Variants in KIF1A observed in about 807,000 individuals in gnomAD.
KIF1A encodes kinesin-like protein KIF1A.
A neutral mutation model predicts 227.3 loss-of-function variants in KIF1A; 46 were observed. That is an observed-to-expected ratio of 0.20 (90% CI 0.16 to 0.26). The LOEUF (loss-of-function observed/expected upper bound fraction) is 0.26. KIF1A is among the 10% of genes least tolerant of loss of function. KIF1A has a pLI of 1.00. For missense variants in KIF1A, 1,683 were observed against 2,485.9 expected, an observed-to-expected ratio of 0.68 and a Z score of 6.87; for synonymous variants, 1,022 against 1,012.8, an observed-to-expected ratio of 1.01 and a Z score of -0.17.
At chr2:240,755,152 G>C (rs867696924) in intron 27 of KIF1A, among the ~76,000 whole-genome samples, 1 of 152,220 alleles carries the variant, frequency 6.6e-6, no homozygotes, top group Non-Finnish European at 1.5e-5. Context: ...GCCTCCCCAG[G>C]TCACCTGGTG....
intron 5 of KIF1A, 28 bp downstream of exon 5, chr2:240,787,223 G>A: frequency 6.3e-7 from 1 of 1,588,636 alleles, no homozygotes; most frequent in Non-Finnish European, 8.6e-7. Context: ...CCCTGCCCCA[G>A]CGGCCAACGG....
chr2:240,764,033 C>T (rs2050846077), intron 20 of KIF1A, among the ~76,000 whole-genome samples: 1 of 152,220 alleles, frequency 6.6e-6, no homozygotes, highest in African/African-American at 2.4e-5. Context: ...CACTCACTGT[C>T]TTGGGACAGT....
At position 240,764,978 on chromosome 2, in the gene KIF1A, C is replaced by T. The variant is rs138716221; in HGVS notation, c.1768+732G>A. 5.4e-3 allele frequency among the ~76,000 whole-genome samples: 818 copies of T among 152,290 alleles called. 3 individuals are homozygous for T. Among genetic ancestry groups the T allele is most frequent in the Non-Finnish European group, 9.0e-3 (614 of 68,018 alleles). On this transcript the variant is annotated intron_variant, in intron 20 of 48. Transcript: ENST00000498729. ...CCACCTGCCCATGGATTTCAAACTT[C>T]GCTGACCAGCCCCACCATCTGATAA...
At chr2:240,772,117 G>C (rs998307102) in intron 14 of KIF1A, among the ~76,000 whole-genome samples, 1 of 152,236 alleles carries the variant, frequency 6.6e-6, no homozygotes, top group Non-Finnish European at 1.5e-5. Flanking sequence ...CTGGGCGTGG[G>C]GGGTCAGGTC....
At chr2:240,814,164 TAGA>T (rs1218941828) in intron 1 of KIF1A, among the ~76,000 whole-genome samples, 5 of 151,706 alleles carry the variant, frequency 3.3e-5, no homozygotes, top group Non-Finnish European at 2.9e-5. Flanking sequence ...TACGAACAAA[TAGA>T]AGTAGAGACC....
chr2:240,779,516 T>C (rs192645111), intron 10 of KIF1A, among the ~76,000 whole-genome samples: 13 of 145,296 alleles, frequency 8.9e-5, no homozygotes, highest in Non-Finnish European at 1.5e-5. Context: ...CCACACTCAG[T>C]TCCTCACAGT....
In KIF1A at chr2:240,782,584, G is replaced by T. The variant is rs1290737564; in HGVS notation, c.882+6C>A. The T allele has an allele frequency of 7.1e-6, 11 of 1,552,342 alleles. No individual in the cohort carries two copies. The highest frequency in any genetic ancestry group is 5.9e-5 in the Admixed American group (3 of 51,240). ...ACCTGCCCCGGGGCTGAAGGAAGCC[G>T]CTTACCTTGTTGGGTCCGGAGTCCT... On this transcript the variant is annotated splice_donor_region_variant and intron_variant, in intron 10 of 48. Coordinates refer to ENST00000498729, the MANE Select transcript of KIF1A (RefSeq NM_001244008.2).
Position 240,758,401 on chromosome 2 carries a change from G to A in KIF1A, c.2541C>T (p.Asp847=). 1.2e-6 allele frequency: 2 copies of A among 1,612,992 alleles called. No homozygotes were observed. Among genetic ancestry groups the A allele is most frequent in the Non-Finnish European group, 1.7e-6 (2 of 1,179,398 alleles). ...ACCAGGGGAAGCGGTCATAGAAGGG[G>A]TCTCCGCCGGTCACCACGTTGTCAC... is the stretch of plus-strand genomic sequence containing the variant. ...EDCDNVVTGG[D]PFYDRFPWFR... Residue 847 remains aspartate (D), a synonymous_variant, in exon 26 of 49, where the codon GAC becomes GAT. Coordinates refer to ENST00000498729, the MANE Select transcript of KIF1A (RefSeq NM_001244008.2). The surrounding 1 kb of genome is among the most constrained non-coding windows in gnomAD (Gnocchi z 5.2).
In KIF1A at chr2:240,785,091, C is replaced by G. The variant is rs137913879; in HGVS notation, c.618G>C (p.Ala206=). 1.2e-6 allele frequency: 2 copies of G among 1,612,768 alleles called. No homozygotes were observed. The highest frequency in any genetic ancestry group is 2.7e-5 in the African/African-American group (2 of 75,044). The change falls in exon 7 of 49, where the codon GCG becomes GCC. Residue 206 remains alanine, a synonymous_variant. Transcript: ENST00000498729. ...MDSGNKARTV[A]ATNMNETSSR... Reference sequence around the variant, plus strand: ...TGCTGGTCTCATTCATGTTGGTGGCCGCCACGGTCCTGAGGAGCAGAAAGC... The same window carrying G: ...TGCTGGTCTCATTCATGTTGGTGGCGGCCACGGTCCTGAGGAGCAGAAAGC...
rs966672958 is a variant in KIF1A at position 240,736,774 on chromosome 2, C to T, written c.4007+289G>A. Among the ~76,000 whole-genome samples the T allele has an allele frequency of 8.5e-5, 13 of 152,332 alleles. No individual in the cohort carries two copies. Among genetic ancestry groups the T allele is most frequent in the South Asian group, 2.1e-4 (1 of 4,832 alleles). On this transcript the variant is annotated intron_variant, in intron 38 of 48. Coordinates refer to ENST00000498729, the MANE Select transcript of KIF1A (RefSeq NM_001244008.2). The surrounding 1 kb of genome is among the most constrained non-coding windows in gnomAD (Gnocchi z 4.7). Reference sequence around the variant, plus strand: ...CCACACCACGCAACCACAAAACTCCCGAGGACAGAACTCAGCTCATCTTCC... The same window carrying T: ...CCACACCACGCAACCACAAAACTCCTGAGGACAGAACTCAGCTCATCTTCC...
chr2:240,716,319 C>T lies in KIF1A; in HGVS notation c.*1045G>A, dbSNP rs1409735806. On this transcript the variant is annotated 3_prime_UTR_variant, in exon 49 of 49. Coordinates refer to ENST00000498729, the MANE Select transcript of KIF1A (RefSeq NM_001244008.2). ...TTCCCAGAAGCTACCTTGACTCACTCCATTTCTCGCCGCAGCTGAAGAGGC... is the reference window on the plus strand; with the variant it reads ...TTCCCAGAAGCTACCTTGACTCACTTCATTTCTCGCCGCAGCTGAAGAGGC... The T allele has an allele frequency of 6.6e-6, 1 of 152,282 alleles. No homozygotes were observed. Among genetic ancestry groups the T allele is most frequent in the Non-Finnish European group, 1.5e-5 (1 of 68,024 alleles). 9.4% of individuals were successfully genotyped at this position (152,282 alleles called of 1,614,324 possible).
intron 29 of KIF1A, 123 bp from the exon 30 acceptor site, chr2:240,746,300 A>C (rs2048588963): frequency 1.7e-6 from 2 of 1,164,280 alleles, no homozygotes; most frequent in Non-Finnish European, 1.2e-6. Context: ...GCCTCCATGA[A>C]CCCACGCACC....
chr2:240,810,522 G>A (rs1376469669), intron 1 of KIF1A, among the ~76,000 whole-genome samples: 1 of 152,098 alleles, frequency 6.6e-6, no homozygotes, highest in Non-Finnish European at 1.5e-5. Context: ...CATCTGGAGG[G>A]GCTGCAGACC....
At chr2:240,735,387 T>C (rs2047200023) in intron 38 of KIF1A, among the ~76,000 whole-genome samples, 2 of 100,912 alleles carry the variant, frequency 2.0e-5, no homozygotes, top group East Asian at 2.7e-4. Flanking sequence ...GGTCCAGCCA[T>C]GAGCCGCTCC....
chr2:240,766,291 CT>C lies in KIF1A; in HGVS notation c.1685-499del, dbSNP rs1247899401. On this transcript the variant is annotated intron_variant, in intron 19 of 48. Transcript: ENST00000498729. This position sits in a 1 kb window ranked among gnomAD's most constrained non-coding sequence, Gnocchi z 5.0. ...TGGCTGGATGCTGCCGGGAGATGCC[CT>C]TAGCCTGGGCTGTGGGCCATGTGAC... Among the ~76,000 whole-genome samples, 8 of 152,232 alleles carry C rather than the reference CT, an allele frequency of 5.3e-5. No individual in the cohort carries two copies. Among genetic ancestry groups the C allele is most frequent in the South Asian group, 2.1e-4 (1 of 4,826 alleles).
At chr2:240,772,365 G>A (rs777095078) in intron 14 of KIF1A, among the ~76,000 whole-genome samples, 4 of 152,188 alleles carry the variant, frequency 2.6e-5, no homozygotes, top group Non-Finnish European at 5.9e-5. Flanking sequence ...GGAGCCAGGA[G>A]TGTGGGCTCA....
chr2:240,741,151 A>T, intron 35 of KIF1A, 118 bp downstream of exon 35: 2 of 670,244 alleles, frequency 3.0e-6, no homozygotes, highest in Non-Finnish European at 5.2e-6. Flanking sequence ...TGCAGTGAAC[A>T]CCCGCTGGAA....
At position 240,745,893 on chromosome 2, in the gene KIF1A, G is replaced by T; in HGVS notation, c.3219C>A (p.Gly1073=). 1 of 1,604,542 alleles carries T rather than the reference G, an allele frequency of 6.2e-7. No homozygotes were observed. The highest frequency in any genetic ancestry group is 2.2e-5 in the East Asian group (1 of 44,684). The change falls in exon 31 of 49, where the codon GGC becomes GGA. Residue 1073 remains glycine (G), a synonymous_variant. Transcript: ENST00000498729. The part of the protein sequence containing the change: ...NNTCSAVPPE[G]LLLDSSEKAA... ...CTTTCTCAGAGCTGTCTAGGAGGAG[G>T]CCTTCTGGGGGCACTGCTGCTGGGA... is the stretch of plus-strand genomic sequence containing the variant.
chr2:240,717,855 G>A (rs760811237), intron 48 of KIF1A, among the ~76,000 whole-genome samples, 195 bp downstream of exon 48: 25 of 152,236 alleles, frequency 1.6e-4, no homozygotes, highest in African/African-American at 3.4e-4. Context: ...GCAGCCTTGC[G>A]GGCAGGACCC....
Sources: allele counts gnomAD v4.1 joint callset (sites outside exome capture counted in the v4.1 genomes callset), GRCh38; gene constraint gnomAD v4.1.1; non-coding constraint Gnocchi (gnomAD v3.1); transcripts MANE v1.5; gene names NCBI Gene and HGNC (gene_info 2026-07-23, HGNC 2026-07-21).